Variants in CCDC57 observed in about 807,000 individuals in gnomAD.
The protein encoded by CCDC57 is coiled-coil domain containing 57.
Under a neutral mutation model 118.9 loss-of-function variants are expected in CCDC57, and 118 were observed. The ratio of observed to expected loss-of-function variants is 0.99; its 90% CI spans 0.86 to 1.16. CCDC57 has a LOEUF of 1.16. Ranked by LOEUF, CCDC57 falls within the 50% of genes most tolerant of loss-of-function variation. The pLI is 0.00. For missense variants in CCDC57, 1,300 were observed against 1,320.7 expected (o/e 0.98, Z 0.24); for synonymous variants, 527 against 532.9 (o/e 0.99, Z 0.15).
chr17:82,130,406 G>A (rs2038151343), intron 17 of CCDC57, among the ~76,000 whole-genome samples: 1 of 151,702 alleles, frequency 6.6e-6, no homozygotes, highest in South Asian at 2.1e-4. Flanking sequence ...AATTGGCCAG[G>A]CTGGTCTCGA....
chr17:82,116,351 G>C (rs2145017369), intron 19 of CCDC57, among the ~76,000 whole-genome samples: 1 of 152,040 alleles, frequency 6.6e-6, no homozygotes, highest in East Asian at 1.9e-4. Context: ...CCACCCACAG[G>C]GTGCATGGCA....
chr17:82,136,139 G>C (rs961127921), intron 16 of CCDC57, among the ~76,000 whole-genome samples: 1 of 152,086 alleles, frequency 6.6e-6, no homozygotes, highest in Non-Finnish European at 1.5e-5. Context: ...CAAGAGAACT[G>C]AATGTTCACA....
At chr17:82,184,505 TC>T in intron 8 of CCDC57, among the ~76,000 whole-genome samples, 1 of 152,316 alleles carries the variant, frequency 6.6e-6, no homozygotes, top group East Asian at 1.9e-4. Flanking sequence ...CGGGACAATA[TC>T]TAGAGCTGTT....
At chr17:82,131,543 C>T (rs1344993952) in intron 17 of CCDC57, among the ~76,000 whole-genome samples, 1 of 151,968 alleles carries the variant, frequency 6.6e-6, no homozygotes, top group African/African-American at 2.4e-5. Flanking sequence ...GAGTTTGAGA[C>T]CAGCCTGAGT....
rs1203979772 is a variant in CCDC57, at chr17:82,172,562, C to T, written c.1729+76G>A. 2.4e-6 allele frequency: 3 copies of T among 1,273,264 alleles called. No individual in the cohort carries two copies. The highest frequency in any genetic ancestry group is 3.3e-6 in the Non-Finnish European group (3 of 897,860). 78.9% of individuals were successfully genotyped at this position (1,273,264 alleles called of 1,614,324 possible). A position where few individuals can be genotyped will look rare whatever the true frequency, so the allele number is the denominator to read the frequency against. On this transcript the variant is annotated intron_variant, in intron 12 of 19. Coordinates refer to ENST00000665763, the Ensembl canonical transcript of CCDC57. This position sits in a 1 kb window ranked among gnomAD's most constrained non-coding sequence, Gnocchi z 5.2. ...GAAGCCTCCTTGAAGCCAGTCAAGA[C>T]CCATGCTCCCGTCTGTCCTCCTCCC... is the stretch of plus-strand genomic sequence containing the variant.
At chr17:82,194,321 T>TTC (rs397961735) in intron 5 of CCDC57, 182 bp from the exon 5 acceptor site, 27 of 635,828 alleles carry the variant, frequency 4.2e-5, no homozygotes, top group South Asian at 1.6e-4. Flanking sequence ...TTTTTTTTTT[T>TTC]CTTTTTGGAG....
At position 82,127,905 on chromosome 17, in the gene CCDC57, G is replaced by A. The variant is rs1479026062; in HGVS notation, c.2686C>T (p.Gln896Ter). 1 of 1,612,290 alleles carries A rather than the reference G, an allele frequency of 6.2e-7. No homozygotes were observed. The highest frequency in any genetic ancestry group is 1.7e-5 in the Admixed American group (1 of 59,512). ...CAGGTCACCGTGTGGATGCTGTGTT[G>A]TGTCTAGAAAAGACATCATCGTCTT... The change falls in exon 19 of 20, where the codon CAA becomes TAA. Residue 896 changes from glutamine (Q) to a stop codon, truncating the protein, a stop_gained. Coordinates refer to ENST00000665763, the Ensembl canonical transcript of CCDC57. LOFTEE classifies it high-confidence loss of function.
rs554491719 is a variant in CCDC57 at position 82,161,340 on chromosome 17, C to T, written c.2040+1860G>A. Among the ~76,000 whole-genome samples, 8 of 152,236 alleles carry T rather than the reference C, an allele frequency of 5.3e-5. No individual in the cohort carries two copies. In the South Asian group the frequency reaches 1.2e-3, roughly 24 times the overall value. On this transcript the variant is annotated intron_variant, in intron 14 of 19. Coordinates refer to ENST00000665763, the Ensembl canonical transcript of CCDC57. ...GAGTTAATGTCTGGGGAAAACAGCA[C>T]GGTGGCTCCTCAAAGGGTTCAACAC...
chr17:82,177,201 C>T (rs1478033750), intron 11 of CCDC57, among the ~76,000 whole-genome samples: 1 of 152,018 alleles, frequency 6.6e-6, no homozygotes, highest in Non-Finnish European at 1.5e-5. Context: ...ATGCAGAAAC[C>T]CTGTCTCTAC....
intron 19 of CCDC57, among the ~76,000 whole-genome samples, chr17:82,115,416 C>T (rs1459357328): frequency 2.0e-5 from 3 of 152,166 alleles, no homozygotes; most frequent in African/African-American, 7.2e-5. Context: ...TCTAATTCTA[C>T]AAACAGTTTA....
At chr17:82,198,871 T>C (rs1360641058) in intron 3 of CCDC57, among the ~76,000 whole-genome samples, 4 of 151,262 alleles carry the variant, frequency 2.6e-5, no homozygotes, top group Non-Finnish European at 5.9e-5. Context: ...CGGGCGCCTG[T>C]AGTCCCAGCT....
At chr17:82,171,883 A>T in intron 12 of CCDC57, 30 bp from the exon 12 acceptor site, 1 of 1,597,888 alleles carries the variant, frequency 6.3e-7, no homozygotes, top group Non-Finnish European at 8.6e-7. Context: ...TGAATATAAC[A>T]CATACACAGC....
At position 82,119,490 on chromosome 17, in the gene CCDC57, C is replaced by T. The variant is rs140914610; in HGVS notation, c.2899+8202G>A. On this transcript the variant is annotated intron_variant, in intron 19 of 19. Transcript: ENST00000665763. The stretch of plus-strand genomic sequence containing the variant: ...ACCTGCAGACCATGCCCCTGCCCTC[C>T]GAGACATTCTGAAGCAGACCGATAG... 8.0e-3 allele frequency among the ~76,000 whole-genome samples: 1,217 copies of T among 152,052 alleles called. 11 individuals carry two copies. Among genetic ancestry groups the T allele is most frequent in the Middle Eastern group, 0.054 (16 of 294 alleles).
In CCDC57 at chr17:82,194,103, C is replaced by T. The variant is rs541959209; in HGVS notation, c.655G>A (p.Glu219Lys). ...CTCTCTGCAGCCTTTGCCCCGGCTT[C>T]CTTCAGAGCCTCCAGCTCTTTGTGC... The change falls in exon 6 of 20, where the codon GAA becomes AAA. Residue 219 changes from glutamate (E) to lysine (K), a missense_variant. Coordinates refer to ENST00000665763, the Ensembl canonical transcript of CCDC57. The T allele has an allele frequency of 3.1e-6, 5 of 1,613,916 alleles. No individual in the cohort carries two copies. The African/African-American group carries it at 4.0e-5, about 13-fold the overall frequency.
chr17:82,148,187 A>T (rs1267633324), intron 16 of CCDC57, among the ~76,000 whole-genome samples: 2 of 124,120 alleles, frequency 1.6e-5, no homozygotes, highest in African/African-American at 3.1e-5. Context: ...AGGTGGGTGG[A>T]TAGATGGGTG....
chr17:82,108,893 G>T (rs1038620989), intron 19 of CCDC57: 3 of 152,236 alleles, frequency 2.0e-5, no homozygotes, highest in African/African-American at 7.2e-5. Context: ...GTGTCTGTGG[G>T]GAGTGGGCGC....
At chr17:82,111,784 TTCAG>T (rs1307124126) in intron 19 of CCDC57, among the ~76,000 whole-genome samples, 1 of 151,868 alleles carries the variant, frequency 6.6e-6, no homozygotes, top group Admixed American at 6.6e-5. Flanking sequence ...TTTTTGTATT[TTCAG>T]TAGAGACGGG....
At chr17:82,144,312 A>T (rs1028001622) in intron 16 of CCDC57, among the ~76,000 whole-genome samples, 10 of 149,296 alleles carry the variant, frequency 6.7e-5, no homozygotes, top group African/African-American at 1.2e-4. Context: ...CATCTCTTTT[A>T]AAAAAAAAAG....
intron 13 of CCDC57, among the ~76,000 whole-genome samples, chr17:82,164,625 T>C (rs1186312606): frequency 6.6e-6 from 1 of 152,086 alleles, no homozygotes; most frequent in Non-Finnish European, 1.5e-5. Flanking sequence ...CCCACAGACA[T>C]TTAAAAACTC....
Sources: gnomAD v4.1 joint callset for allele counts (sites outside exome capture counted in the v4.1 genomes callset) on GRCh38, gnomAD v4.1.1 for gene constraint, Gnocchi (gnomAD v3.1) non-coding constraint, MANE v1.5 for transcripts, NCBI Gene and HGNC (gene_info 2026-07-23, HGNC 2026-07-21) for gene names.